CLNK: variants seen among roughly 807,000 people sequenced by gnomAD.
The protein encoded by CLNK is cytokine-dependent hematopoietic cell linker.
A neutral mutation model predicts 68.6 loss-of-function variants in CLNK; 74 were observed. The observed-to-expected ratio is 1.08, with a 90% CI of 0.89 to 1.31. The LOEUF (loss-of-function observed/expected upper bound fraction) is 1.31, where lower values mean the gene tolerates loss of function less well. Ranked by LOEUF, CLNK falls within the 50% of genes most tolerant of loss-of-function variation. CLNK has a pLI of 0.00. For missense variants in CLNK, 553 were observed against 515.3 expected, an observed-to-expected ratio of 1.07 and a Z score of -0.71; for synonymous variants, 198 against 172.2, an observed-to-expected ratio of 1.15 and a Z score of -1.17.
At chr4:10,619,032 C>G (rs1722330978) in intron 2 of CLNK, among the ~76,000 whole-genome samples, 1 of 152,206 alleles carries the variant, frequency 6.6e-6, no homozygotes, top group African/African-American at 2.4e-5. Flanking sequence ...ATTCTTTTAG[C>G]CTTGATCAAT....
intron 1 of CLNK, among the ~76,000 whole-genome samples, chr4:10,671,944 AG>A (rs1724660883): frequency 6.6e-6 from 1 of 152,214 alleles, no homozygotes; most frequent in South Asian, 2.1e-4. Flanking sequence ...AAAGTTTGCT[AG>A]TACGCAAAAT....
intron 2 of CLNK, among the ~76,000 whole-genome samples, chr4:10,652,381 C>CAAAAA (rs67304153): frequency 0.028 from 1,402 of 50,584 alleles, 81 homozygotes; most frequent in Non-Finnish European, 0.039. Flanking sequence ...GACTCTGTCT[C>CAAAAA]AAAAAAAAAA....
In CLNK at chr4:10,643,610, G is replaced by A. The variant is rs568295058; in HGVS notation, c.11+24249C>T. Among the ~76,000 whole-genome samples the A allele has an allele frequency of 6.6e-4, 100 of 152,324 alleles. 1 individual carries two copies. The highest frequency in any genetic ancestry group is 2.2e-3 in the African/African-American group (93 of 41,568). ...GCATAATAACAGAGGATTGGTACAGGGTGGATGAGGGAGGGGCTACGCCAG... is the reference window on the plus strand; with the variant it reads ...GCATAATAACAGAGGATTGGTACAGAGTGGATGAGGGAGGGGCTACGCCAG... On this transcript the variant is annotated intron_variant, in intron 2 of 18. Transcript: ENST00000226951.
chr4:10,673,809 G>A lies in CLNK; in HGVS notation c.-42-5898C>T, dbSNP rs1724759900. On this transcript the variant is annotated intron_variant, in intron 1 of 18. Transcript: ENST00000226951. ...TAGGCTGTGGAGCGTCAGCCTTGCAGGTCTTTCTCCAACAGGTCTTACTTC... is the reference window on the plus strand; with the variant it reads ...TAGGCTGTGGAGCGTCAGCCTTGCAAGTCTTTCTCCAACAGGTCTTACTTC... 3.3e-5 allele frequency among the ~76,000 whole-genome samples: 5 copies of A among 152,024 alleles called. No homozygotes were observed. In the South Asian group the frequency reaches 1.0e-3, roughly 32 times the overall value.
chr4:10,573,819 C>A (rs564733985), intron 4 of CLNK, among the ~76,000 whole-genome samples: 1 of 152,094 alleles, frequency 6.6e-6, no homozygotes, highest in Non-Finnish European at 1.5e-5. Context: ...ACGCTTCATG[C>A]CCCTTCTGTG....
rs1043202399 is a variant in CLNK at position 10,672,233 on chromosome 4, T to C, written c.-42-4322A>G. On this transcript the variant is annotated intron_variant, in intron 1 of 18. Transcript: ENST00000226951. ...TTGTTGAAACTGTGCTAGGTGTGAG[T>C]GCATGCCAGACACTGGATCTTGCAA... 4.6e-5 allele frequency among the ~76,000 whole-genome samples: 7 copies of C among 152,268 alleles called. No homozygotes were observed. The East Asian group carries it at 1.4e-3, about 29-fold the overall frequency.
chr4:10,715,674 T>A, the CLNK span, among the ~76,000 whole-genome samples: 1 of 152,236 alleles, frequency 6.6e-6, no homozygotes, highest in East Asian at 1.9e-4. Context: ...GGTACATAGA[T>A]TATAACTAAG....
intron 18 of CLNK, among the ~76,000 whole-genome samples, chr4:10,492,524 A>G (rs909784016): frequency 4.6e-5 from 7 of 152,238 alleles, no homozygotes; most frequent in Admixed American, 1.3e-4. Flanking sequence ...AATTTCATTT[A>G]GAGCTATGTG....
Position 10,597,980 on chromosome 4 carries a change from G to GT in CLNK, c.80dup (p.Asn27LysfsTer9). ...AATAAACAAGTAAATATTCTGACCTGTTTTTTGGCAGACTGAAGTTCTGGA... is the reference window on the plus strand; with the variant it reads ...AATAAACAAGTAAATATTCTGACCTGTTTTTTTGGCAGACTGAAGTTCTGGA... On this transcript the variant is annotated frameshift_variant, in exon 3 of 19. Coordinates refer to ENST00000226951, the MANE Select transcript of CLNK (RefSeq NM_052964.4). LOFTEE classifies it high-confidence loss of function. 1.3e-6 allele frequency: 2 copies of GT among 1,573,426 alleles called. No individual in the cohort carries two copies. Among genetic ancestry groups the GT allele is most frequent in the South Asian group, 1.2e-5 (1 of 85,880 alleles).
intron 2 of CLNK, among the ~76,000 whole-genome samples, chr4:10,667,393 A>G (rs1053314440): frequency 8.5e-6 from 1 of 118,312 alleles, no homozygotes; most frequent in Non-Finnish European, 1.8e-5. Flanking sequence ...TTTTTTTACT[A>G]TACTATAGAC....
In CLNK at chr4:10,558,447, G is replaced by T. The variant is rs759690451; in HGVS notation, c.405C>A (p.Asp135Glu). 7 of 1,613,666 alleles carry T rather than the reference G, an allele frequency of 4.3e-6. No homozygotes were observed. Among genetic ancestry groups the T allele is most frequent in the African/African-American group, 1.3e-5 (1 of 75,026 alleles). ...TTCTGACGTCCTTGGAAATGGGTTTGTCCACCTGTACAAGACAATGAGGCA... is the reference window on the plus strand; with the variant it reads ...TTCTGACGTCCTTGGAAATGGGTTTTTCCACCTGTACAAGACAATGAGGCA... ...WNTQTRLERV[D>E]KPISKDVRSQ... is the part of the protein sequence containing the mutation. The change falls in exon 8 of 19, where the codon GAC (aspartate) becomes GAA (glutamate). Residue 135 changes from aspartate to glutamate, a missense_variant. Transcript: ENST00000226951.
chr4:10,616,823 TACAC>T (rs1560244270), intron 2 of CLNK, among the ~76,000 whole-genome samples: 1 of 29,176 alleles, frequency 3.4e-5, no homozygotes, highest in Non-Finnish European at 9.6e-5. Context: ...TATATATATA[TACAC>T]GCATTTTTTT....
At chr4:10,655,141 T>C (rs936035604) in intron 2 of CLNK, among the ~76,000 whole-genome samples, 2 of 150,864 alleles carry the variant, frequency 1.3e-5, no homozygotes, top group Non-Finnish European at 2.9e-5. Flanking sequence ...AAAAAGATGT[T>C]AAGGTCTGGT....
At chr4:10,630,026 C>T (rs142426174) in intron 2 of CLNK, among the ~76,000 whole-genome samples, 202 of 152,288 alleles carry the variant, frequency 1.3e-3, no homozygotes, top group African/African-American at 4.4e-3. Context: ...CAGTGCAAAA[C>T]CTCTGAGGGC....
chr4:10,578,956 CTG>C lies in CLNK; in HGVS notation c.112+5969_112+5970del, dbSNP rs1351437468. ...AAGTTTATAAAGTGCCAGGCACAAA[CTG>C]GTGACTCCATGTATGTGAATGTCTT... On this transcript the variant is annotated intron_variant, in intron 4 of 18. Coordinates refer to ENST00000226951, the MANE Select transcript of CLNK (RefSeq NM_052964.4). Among the ~76,000 whole-genome samples, 6 of 152,340 alleles carry C rather than the reference CTG, an allele frequency of 3.9e-5. No homozygotes were observed. The East Asian group carries it at 9.6e-4, about 24-fold the overall frequency.
intron 18 of CLNK, among the ~76,000 whole-genome samples, chr4:10,491,207 C>G (rs559928348): frequency 6.6e-6 from 1 of 152,370 alleles, no homozygotes; most frequent in South Asian, 2.1e-4. Flanking sequence ...TTTCCCCTCT[C>G]TGGAATCAGA....
At chr4:10,536,875 C>G (rs953838857) in intron 11 of CLNK, among the ~76,000 whole-genome samples, 1 of 152,020 alleles carries the variant, frequency 6.6e-6, no homozygotes, top group Non-Finnish European at 1.5e-5. Flanking sequence ...ACCCAATAGA[C>G]CTGTGTGGTT....
At chr4:10,638,238 A>G (rs1019549904) in intron 2 of CLNK, among the ~76,000 whole-genome samples, 1 of 152,170 alleles carries the variant, frequency 6.6e-6, no homozygotes, top group Non-Finnish European at 1.5e-5. Flanking sequence ...AGGATTCGTA[A>G]CCACCCTGGG....
intron 1 of CLNK, among the ~76,000 whole-genome samples, chr4:10,677,242 A>G (rs960254260): frequency 6.6e-6 from 1 of 152,160 alleles, no homozygotes; most frequent in Non-Finnish European, 1.5e-5. Flanking sequence ...TAGATCCAGT[A>G]AACCCCACCA....
Sources: gnomAD v4.1 joint callset for allele counts (sites outside exome capture counted in the v4.1 genomes callset) on GRCh38, gnomAD v4.1.1 for gene constraint, MANE v1.5 for transcripts, NCBI Gene and HGNC (gene_info 2026-07-23, HGNC 2026-07-21) for gene names.